FKBP14: variants seen among roughly 807,000 people sequenced by gnomAD.
FKBP14 encodes FKBP prolyl isomerase 14, also known as peptidyl-prolyl cis-trans isomerase FKBP14.
FKBP14 carries 20 observed loss-of-function variants against 21.6 expected under a neutral mutation model. The ratio of observed to expected loss-of-function variants is 0.92; its 90% CI spans 0.65 to 1.34. The LOEUF (loss-of-function observed/expected upper bound fraction) is 1.34, where lower values mean the gene tolerates loss of function less well. Ranked by LOEUF, FKBP14 falls within the 40% of genes most tolerant of loss-of-function variation. FKBP14 has a pLI of 0.00. For synonymous variants in FKBP14, 79 were observed against 86.7 expected, an observed-to-expected ratio of 0.91 and a Z score of 0.49; for missense variants, 253 against 249.0, an observed-to-expected ratio of 1.02 and a Z score of -0.11.
At chr7:30,022,629 A>G (rs1163491642) in intron 2 of FKBP14, 36 bp downstream of exon 2, 1 of 1,585,110 alleles carries the variant, frequency 6.3e-7, no homozygotes, top group East Asian at 2.2e-5. Context: ...GAACAACTCT[A>G]GTGCTATAGT....
chr7:30,015,042 T>C, intron 3 of FKBP14, 149 bp from the exon 4 acceptor site: 1 of 456,438 alleles, frequency 2.2e-6, no homozygotes, highest in Non-Finnish European at 3.7e-6. Context: ...ATAGTTTTAA[T>C]GATAATTAAA....
intron 1 of FKBP14, 56 bp from the exon 2 acceptor site, chr7:30,022,872 T>C (rs886773832): frequency 2.0e-6 from 3 of 1,523,094 alleles, no homozygotes; most frequent in Middle Eastern, 1.7e-4. Flanking sequence ...AAATTTTCTT[T>C]AGTGCATTTT....
At chr7:30,008,609 TACTC>T (rs1201578346), downstream of FKBP14, among the ~76,000 whole-genome samples, 1 of 150,772 alleles carries the variant, frequency 6.6e-6, no homozygotes. Context: ...TAGTCCCAGT[TACTC>T]AGGAGGCTGA....
Position 30,014,695 on chromosome 7 carries a change from C to G in FKBP14, c.*40G>C. On this transcript the variant is annotated 3_prime_UTR_variant, in exon 4 of 4. Coordinates refer to ENST00000222803, the MANE Select transcript of FKBP14 (RefSeq NM_017946.4). ...TGTTCTTTAAAGATGACTGCCCTCT[C>G]TTGAAAGATGAGTGCTATATTAAAA... The G allele has an allele frequency of 1.5e-6, 2 of 1,298,256 alleles. No homozygotes were observed. The highest frequency in any genetic ancestry group is 2.0e-6 in the Non-Finnish European group (2 of 989,446). 80.4% of individuals were successfully genotyped at this position (1,298,256 alleles called of 1,614,324 possible).
In FKBP14 at chr7:30,014,072, AG is replaced by A. The variant is rs1789816761; in HGVS notation, c.*662del. On this transcript the variant is annotated 3_prime_UTR_variant, in exon 4 of 4. Transcript: ENST00000222803. ...GAGATAGGGTTTCTCCGTGTTGGTC[AG>A]GCTGGTCTCGAACTCCCAACCTCAG... is the stretch of plus-strand genomic sequence containing the variant. The A allele has an allele frequency of 6.6e-6, 1 of 152,086 alleles. No homozygotes were observed. The highest frequency in any genetic ancestry group is 2.4e-5 in the African/African-American group (1 of 41,406). The allele number at this position is 152,086 out of a possible 1,614,324, so 9.4% of individuals were successfully genotyped here.
rs1487949642 is a variant in FKBP14, at chr7:30,014,741, C to T, written c.630G>A (p.Glu210=). ...SAREFTYKHD[E]L is the part of the protein sequence containing the mutation. ...TAAAAGGGTAGATGTATCTCTATAA[C>T]TCATCGTGTTTATATGTAAATTCTC... Residue 210 remains glutamate, a synonymous_variant, in exon 4 of 4, where the codon GAG becomes GAA. Coordinates refer to ENST00000222803, the MANE Select transcript of FKBP14 (RefSeq NM_017946.4). The T allele has an allele frequency of 1.9e-6, 3 of 1,593,304 alleles. No individual in the cohort carries two copies.
chr7:30,026,522 GGAAA>G lies in FKBP14; in HGVS notation c.-18_-15del, dbSNP rs774584722. 4 of 1,599,398 alleles carry G rather than the reference GGAAA, an allele frequency of 2.5e-6. No homozygotes were observed. The South Asian group carries it at 3.3e-5, about 13-fold the overall frequency. On this transcript the variant is annotated 5_prime_UTR_variant, in exon 1 of 4. Transcript: ENST00000222803. ...GAAAAGCCTCATGTTGCTGAAGCAAGGAAAGAAGTCCCTACAAAAGCAGCGAAAG... is the reference window on the plus strand; with the variant it reads ...GAAAAGCCTCATGTTGCTGAAGCAAGGAAGTCCCTACAAAAGCAGCGAAAG...
Position 30,014,798 on chromosome 7 carries a change from T to A in FKBP14, c.573A>T (p.Glu191Asp), listed in dbSNP as rs1283044971. 2 of 1,611,856 alleles carry A rather than the reference T, an allele frequency of 1.2e-6. No homozygotes were observed. The highest frequency in any genetic ancestry group is 1.7e-6 in the Non-Finnish European group (2 of 1,179,330). The change falls in exon 4 of 4, where the codon GAA becomes GAT. Residue 191 changes from glutamate (E) to aspartate (D), a missense_variant. Coordinates refer to ENST00000222803, the MANE Select transcript of FKBP14 (RefSeq NM_017946.4). ...ATATAAACCCATCTTTGTCTTCATC[T>A]TCTTTATCAAAAATATCCTCCACCA... ...DALVEDIFDK[E>D]DEDKDGFISA...
intron 1 of FKBP14, among the ~76,000 whole-genome samples, chr7:30,023,979 G>A (rs564759273): frequency 2.4e-4 from 37 of 152,262 alleles, no homozygotes; most frequent in African/African-American, 7.0e-4. Flanking sequence ...AGAATGTCCT[G>A]GCTCATGAGT....
intron 1 of FKBP14, among the ~76,000 whole-genome samples, 165 bp downstream of exon 1, chr7:30,026,147 A>G (rs1300024845): frequency 6.6e-6 from 1 of 152,236 alleles, no homozygotes; most frequent in Admixed American, 6.5e-5. Context: ...CTCGCTCGCT[A>G]TATAAAACTG....
chr7:30,016,080 T>C (rs996940594), intron 3 of FKBP14, among the ~76,000 whole-genome samples: 1 of 152,136 alleles, frequency 6.6e-6, no homozygotes, highest in Non-Finnish European at 1.5e-5. Context: ...CTGGCTTTTA[T>C]ATTTTTTGTA....
At chr7:30,020,232 G>A in intron 2 of FKBP14, 2 of 1,259,922 alleles carry the variant, frequency 1.6e-6, no homozygotes, top group Non-Finnish European at 2.1e-6. Context: ...TCTAGACAGA[G>A]ATGTGACATG....
intron 2 of FKBP14, chr7:30,020,440 A>T (rs532476483): frequency 3.0e-4 from 106 of 356,272 alleles, no homozygotes; most frequent in South Asian, 2.4e-3. Context: ...AGAGTAATGG[A>T]CTAATACAAC....
intron 2 of FKBP14, among the ~76,000 whole-genome samples, chr7:30,019,333 C>T (rs560751253): frequency 6.6e-6 from 1 of 152,142 alleles, no homozygotes; most frequent in South Asian, 2.1e-4. Flanking sequence ...CAAAAGCATT[C>T]TATCTTTGGC....
Position 30,026,622 on chromosome 7 carries a change from C to T in FKBP14, c.-114G>A, listed in dbSNP as rs1209307261. ...ACAAGGGCTTCAGACAAGTTCAGGA[C>T]TCCCCCTTCTTAGAAGACGTGGCAC... On this transcript the variant is annotated 5_prime_UTR_variant, in exon 1 of 4. Coordinates refer to ENST00000222803, the MANE Select transcript of FKBP14 (RefSeq NM_017946.4). 6 of 884,086 alleles carry T rather than the reference C, an allele frequency of 6.8e-6. No individual in the cohort carries two copies. The highest frequency in any genetic ancestry group is 6.8e-5 in the African/African-American group (4 of 59,154). 54.8% of individuals were successfully genotyped at this position (884,086 alleles called of 1,614,324 possible).
rs867443135 is a variant in FKBP14, at chr7:30,017,288, A to G, written c.477+1708T>C. ...AGACTTTTAAAAATATGTAAATAATAGGCCGGATGCGGTAGCTCACACCTG... is the reference window on the plus strand; with the variant it reads ...AGACTTTTAAAAATATGTAAATAATGGGCCGGATGCGGTAGCTCACACCTG... On this transcript the variant is annotated intron_variant, in intron 3 of 3. Transcript: ENST00000222803. Among the ~76,000 whole-genome samples, 5 of 152,246 alleles carry G rather than the reference A, an allele frequency of 3.3e-5. 1 individual carries two copies. The highest frequency in any genetic ancestry group is 2.0e-4 in the Admixed American group (3 of 15,296).
chr7:30,009,479 C>T (rs539984097), downstream of FKBP14, among the ~76,000 whole-genome samples: 3 of 152,040 alleles, frequency 2.0e-5, no homozygotes, highest in Non-Finnish European at 2.9e-5. Context: ...GTGATCCCCC[C>T]GCCTCAGCGT....
intron 3 of FKBP14, among the ~76,000 whole-genome samples, chr7:30,018,638 T>C (rs1789952229): frequency 1.3e-5 from 2 of 152,262 alleles, no homozygotes; most frequent in Non-Finnish European, 2.9e-5. Context: ...TCAGGACAGC[T>C]AGCTTCTTAT....
downstream of FKBP14, among the ~76,000 whole-genome samples, chr7:30,009,950 G>A (rs1297287702): frequency 6.6e-6 from 1 of 151,976 alleles, no homozygotes; most frequent in African/African-American, 2.4e-5. Context: ...GGTCAACCAA[G>A]ATCGCGCCAC....
Sources: gnomAD v4.1 joint callset for allele counts (sites outside exome capture counted in the v4.1 genomes callset) on GRCh38, gnomAD v4.1.1 for gene constraint, MANE v1.5 for transcripts, NCBI Gene and HGNC (gene_info 2026-07-23, HGNC 2026-07-21) for gene names.